Variants in BCAS3 observed in about 807,000 individuals in gnomAD.
BCAS3 encodes BCAS3 microtubule associated cell migration factor, also known as BCAS4/BCAS3 fusion.
In BCAS3, 53 loss-of-function variants were observed where a neutral mutation model predicts 116.1. The observed-to-expected ratio is 0.46, with a 90% CI of 0.37 to 0.57. The LOEUF (loss-of-function observed/expected upper bound fraction) is 0.57, where lower values mean the gene tolerates loss of function less well. BCAS3 is among the 20% of genes least tolerant of loss of function. BCAS3 has a pLI of 0.00. For synonymous variants in BCAS3, 391 were observed against 408.2 expected, an observed-to-expected ratio of 0.96 and a Z score of 0.51; for missense variants, 917 against 1,165.4, an observed-to-expected ratio of 0.79 and a Z score of 3.10.
intron 5 of BCAS3, among the ~76,000 whole-genome samples, chr17:60,717,407 G>T (rs2144066055): frequency 6.6e-6 from 1 of 152,014 alleles, no homozygotes; most frequent in East Asian, 1.9e-4. Context: ...GTAGAGACGG[G>T]GTTTCGCCAT....
chr17:60,729,172 T>C (rs2040210209), intron 5 of BCAS3, among the ~76,000 whole-genome samples: 1 of 152,238 alleles, frequency 6.6e-6, no homozygotes, highest in Non-Finnish European at 1.5e-5. Context: ...GCATTTTTTG[T>C]TTGTTTTTAT....
chr17:60,988,343 T>TTC (rs1555651746), intron 14 of BCAS3, among the ~76,000 whole-genome samples: 1 of 140,732 alleles, frequency 7.1e-6, no homozygotes, highest in Middle Eastern at 3.6e-3. Flanking sequence ...TTTTTCTTTT[T>TTC]TTTTTTTTTT....
In BCAS3 at chr17:60,746,122, G is replaced by A. The variant is rs192836368; in HGVS notation, c.322-1076G>A. On this transcript the variant is annotated intron_variant, in intron 5 of 23. Coordinates refer to ENST00000407086, the MANE Select transcript of BCAS3 (RefSeq NM_017679.5). ...TATATCTTTATTACATTGGTTGTAA[G>A]TTCTTTTGTATCTTGAACTAGTTTT... Among the ~76,000 whole-genome samples, 510 of 152,052 alleles carry A rather than the reference G, an allele frequency of 3.4e-3. 2 individuals carry two copies. The highest frequency in any genetic ancestry group is 4.8e-3 in the Non-Finnish European group (325 of 67,910).
intron 22 of BCAS3, among the ~76,000 whole-genome samples, chr17:61,329,403 C>G (rs895574637): frequency 8.0e-5 from 12 of 149,450 alleles, no homozygotes; most frequent in African/African-American, 2.5e-4. Context: ...TGCAGTGGCG[C>G]GATCTCGGCT....
At chr17:60,936,185 A>T (rs1464157071) in intron 13 of BCAS3, among the ~76,000 whole-genome samples, 1 of 151,496 alleles carries the variant, frequency 6.6e-6, no homozygotes, top group Non-Finnish European at 1.5e-5. Flanking sequence ...AAAGGACATG[A>T]ACTCATCCTT....
At chr17:60,866,797 T>G (rs1295667444) in intron 7 of BCAS3, among the ~76,000 whole-genome samples, 1 of 152,152 alleles carries the variant, frequency 6.6e-6, no homozygotes, top group Non-Finnish European at 1.5e-5. Context: ...CTTTATTACT[T>G]TTTTGAACAC....
At chr17:61,359,049 C>T (rs963432014) in intron 22 of BCAS3, among the ~76,000 whole-genome samples, 4 of 152,162 alleles carry the variant, frequency 2.6e-5, no homozygotes, top group South Asian at 2.1e-4. Flanking sequence ...CACATACTCA[C>T]CATACGCTTT....
At chr17:60,895,727 G>T (rs2057464935) in intron 10 of BCAS3, among the ~76,000 whole-genome samples, 1 of 152,006 alleles carries the variant, frequency 6.6e-6, no homozygotes, top group Admixed American at 6.6e-5. Context: ...CCACAGTTTT[G>T]GTATGTTGTG....
At chr17:60,810,974 AC>A in intron 7 of BCAS3, 1 of 672,654 alleles carries the variant, frequency 1.5e-6, no homozygotes, top group East Asian at 3.0e-5. Flanking sequence ...CTGGACAAGT[AC>A]TAGTCTCAGC....
intron 13 of BCAS3, among the ~76,000 whole-genome samples, chr17:60,946,180 A>G (rs531425990): frequency 2.0e-5 from 3 of 152,330 alleles, no homozygotes; most frequent in African/African-American, 4.8e-5. Context: ...TGTTACTTCA[A>G]TGGAGAAAAA....
At chr17:61,296,252 C>T in intron 22 of BCAS3, among the ~76,000 whole-genome samples, 1 of 152,156 alleles carries the variant, frequency 6.6e-6, no homozygotes, top group East Asian at 1.9e-4. Context: ...TCTCCAAGTT[C>T]CTGGTGGTTA....
chr17:60,739,960 A>T (rs1482289724), intron 5 of BCAS3, among the ~76,000 whole-genome samples: 2 of 151,494 alleles, frequency 1.3e-5, no homozygotes. Flanking sequence ...AAGGCAATGT[A>T]ATTCTTATCC....
intron 14 of BCAS3, among the ~76,000 whole-genome samples, chr17:60,957,466 G>A (rs990662724): frequency 1.3e-5 from 2 of 152,148 alleles, no homozygotes; most frequent in African/African-American, 4.8e-5. Flanking sequence ...GCAACCCTGT[G>A]CATGACCCTA....
At position 61,171,855 on chromosome 17, in the gene BCAS3, A is replaced by G. The variant is rs1004911725; in HGVS notation, c.2425+87291A>G. Among the ~76,000 whole-genome samples the G allele has an allele frequency of 2.0e-5, 3 of 151,742 alleles. No homozygotes were observed. The highest frequency in any genetic ancestry group is 2.9e-5 in the Non-Finnish European group (2 of 67,952). ...ACTGTGTTGTTCGGGCTGTTCTTGA[A>G]CTTCTGGAATTAAGTGATTCTCTCA... is the stretch of plus-strand genomic sequence containing the variant. On this transcript the variant is annotated intron_variant, in intron 22 of 23. Transcript: ENST00000407086. This position sits in a 1 kb window ranked among gnomAD's most constrained non-coding sequence, Gnocchi z 4.1.
In BCAS3 at chr17:61,219,096, T is replaced by C. The variant is rs1480113643; in HGVS notation, c.2425+134532T>C. On this transcript the variant is annotated intron_variant, in intron 22 of 23. Coordinates refer to ENST00000407086, the MANE Select transcript of BCAS3 (RefSeq NM_017679.5). The surrounding 1 kb of genome is among the most constrained non-coding windows in gnomAD (Gnocchi z 5.2). The stretch of plus-strand genomic sequence containing the variant: ...TTAGGATTCTGCGCTCCGTAACTAA[T>C]ATTTTTATAGGAAATATGAAATGAA... Among the ~76,000 whole-genome samples the C allele has an allele frequency of 1.3e-5, 2 of 152,176 alleles. No homozygotes were observed. The highest frequency in any genetic ancestry group is 2.9e-5 in the Non-Finnish European group (2 of 68,026).
At chr17:61,230,614 G>A (rs373323257) in intron 22 of BCAS3, among the ~76,000 whole-genome samples, 117 of 152,246 alleles carry the variant, frequency 7.7e-4, no homozygotes, top group African/African-American at 2.6e-3. Context: ...TTCCATCCAC[G>A]TTACTACAAA....
chr17:61,169,460 A>C (rs1187202274), intron 22 of BCAS3, among the ~76,000 whole-genome samples: 1 of 152,068 alleles, frequency 6.6e-6, no homozygotes, highest in Non-Finnish European at 1.5e-5. Context: ...AAAAATTGAG[A>C]TGGGGTTTTG....
In BCAS3 at chr17:61,309,801, G is replaced by A. The variant is rs1299959057; in HGVS notation, c.2426-58526G>A. 6.6e-6 allele frequency among the ~76,000 whole-genome samples: 1 copy of A among 152,138 alleles called. No individual in the cohort carries two copies. Among genetic ancestry groups the A allele is most frequent in the Non-Finnish European group, 1.5e-5 (1 of 68,034 alleles). ...TACAGGGTGACAAGAGGGAGCCCGA[G>A]AGCCCCCCATGAATCTGTCTGCACC... On this transcript the variant is annotated intron_variant, in intron 22 of 23. Transcript: ENST00000407086. This position sits in a 1 kb window ranked among gnomAD's most constrained non-coding sequence, Gnocchi z 4.6.
At chr17:61,093,722 T>A (rs1480181212) in intron 22 of BCAS3, among the ~76,000 whole-genome samples, 4 of 152,260 alleles carry the variant, frequency 2.6e-5, no homozygotes, top group African/African-American at 4.8e-5. Flanking sequence ...TTAAAATTTT[T>A]ATTTTTTCTT....
Sources: gnomAD v4.1 joint callset for allele counts (sites outside exome capture counted in the v4.1 genomes callset) on GRCh38, gnomAD v4.1.1 for gene constraint, Gnocchi (gnomAD v3.1) non-coding constraint, MANE v1.5 for transcripts, NCBI Gene and HGNC (gene_info 2026-07-23, HGNC 2026-07-21) for gene names.